Variants in SDK1 observed in about 807,000 individuals in gnomAD.
SDK1 encodes the protein protein sidekick-1.
A neutral mutation model predicts 245.5 loss-of-function variants in SDK1; 157 were observed. The observed-to-expected ratio is 0.64, with a 90% CI of 0.56 to 0.73. The LOEUF (loss-of-function observed/expected upper bound fraction) is 0.73, where lower values mean the gene tolerates loss of function less well. Ranked by LOEUF, SDK1 falls within the 30% of genes least tolerant of loss-of-function variation. The pLI is 0.00. For synonymous variants in SDK1, 1,647 were observed against 1,278.5 expected (o/e 1.29, Z -6.15); for missense variants, 3,583 against 3,002.3 (o/e 1.19, Z -4.52).
intron 1 of SDK1, among the ~76,000 whole-genome samples, chr7:3,611,443 C>A (rs138272518): frequency 2.6e-5 from 4 of 152,312 alleles, no homozygotes; most frequent in East Asian, 3.9e-4. Context: ...ACAAAAAGGG[C>A]AGCCTGAACT....
intron 17 of SDK1, among the ~76,000 whole-genome samples, chr7:4,034,113 T>C (rs1333422872): frequency 1.3e-5 from 2 of 152,158 alleles, no homozygotes; most frequent in Admixed American, 1.3e-4. Flanking sequence ...GTGCCTACGA[T>C]GCAAGCCTGA....
In SDK1 at chr7:4,011,550, C is replaced by T. The variant is rs548529468; in HGVS notation, c.2279+437C>T. On this transcript the variant is annotated intron_variant, in intron 15 of 44. Coordinates refer to ENST00000404826, the MANE Select transcript of SDK1 (RefSeq NM_152744.4). ...GCGTCGCATTCCTGAGCGGTCTTCA[C>T]GCTCTCCCATCCCTGCGAGGGCCAC... Among the ~76,000 whole-genome samples, 6 of 152,332 alleles carry T rather than the reference C, an allele frequency of 3.9e-5. No individual in the cohort carries two copies. In the South Asian group the frequency reaches 8.3e-4, roughly 21 times the overall value.
intron 5 of SDK1, among the ~76,000 whole-genome samples, chr7:3,839,670 A>G (rs1780109869): frequency 6.6e-6 from 1 of 152,252 alleles, no homozygotes; most frequent in African/African-American, 2.4e-5. Flanking sequence ...AATTAAAAAA[A>G]GAACATTCCC....
In SDK1 at chr7:4,032,348, G is replaced by A. The variant is rs115679935; in HGVS notation, c.2602+14996G>A. On this transcript the variant is annotated intron_variant, in intron 17 of 44. Coordinates refer to ENST00000404826, the MANE Select transcript of SDK1 (RefSeq NM_152744.4). Reference sequence around the variant, plus strand: ...AAATGTATTGACATTTATTTGATACGGTAAACTGTGCATGTACCTCAAGCT... The same window carrying A: ...AAATGTATTGACATTTATTTGATACAGTAAACTGTGCATGTACCTCAAGCT... Among the ~76,000 whole-genome samples the A allele has an allele frequency of 6.9e-3, 1,051 of 152,190 alleles. 10 individuals carry two copies. Among genetic ancestry groups the A allele is most frequent in the African/African-American group, 0.025 (1,022 of 41,530 alleles).
At chr7:3,988,118 T>C in intron 14 of SDK1, among the ~76,000 whole-genome samples, 1 of 146,400 alleles carries the variant, frequency 6.8e-6, no homozygotes, top group African/African-American at 2.5e-5. Flanking sequence ...TCCCACTGCA[T>C]CCATCTTTTT....
intron 2 of SDK1, among the ~76,000 whole-genome samples, chr7:3,625,906 T>TAGAGCCAG (rs1440217673): frequency 6.6e-6 from 1 of 151,318 alleles, no homozygotes; most frequent in Non-Finnish European, 1.5e-5. Flanking sequence ...AAGTAAAAGG[T>TAGAGCCAG]AGAGCCAGAA....
chr7:3,466,245 T>C (rs1027192705), intron 1 of SDK1, among the ~76,000 whole-genome samples: 4 of 151,794 alleles, frequency 2.6e-5, no homozygotes, highest in Non-Finnish European at 5.9e-5. Context: ...TTCAGCTTTA[T>C]ATGCTAGTTC....
At chr7:4,204,639 T>C (rs893081822) in intron 35 of SDK1, among the ~76,000 whole-genome samples, 36 of 151,994 alleles carry the variant, frequency 2.4e-4, no homozygotes, top group African/African-American at 8.2e-4. Flanking sequence ...TGTTTTATCG[T>C]CTCCATCGAT....
chr7:3,413,341 C>T (rs1029613655), intron 1 of SDK1, among the ~76,000 whole-genome samples: 3 of 152,158 alleles, frequency 2.0e-5, no homozygotes, highest in Non-Finnish European at 4.4e-5. Context: ...TAGATCCTCA[C>T]TGTGGTAAGG....
rs550809518 is a variant in SDK1 at position 4,029,663 on chromosome 7, G to C, written c.2602+12311G>C. 2.0e-4 allele frequency among the ~76,000 whole-genome samples: 31 copies of C among 152,266 alleles called. No homozygotes were observed. The South Asian group carries it at 6.2e-3, about 31-fold the overall frequency. ...GTGGGGATTGAGCTATGCCCAAAGA[G>C]TGTGATTTACTTGATCAGCCACCAC... is the stretch of plus-strand genomic sequence containing the variant. On this transcript the variant is annotated intron_variant, in intron 17 of 44. Transcript: ENST00000404826.
intron 1 of SDK1, among the ~76,000 whole-genome samples, chr7:3,616,260 A>C (rs754183565): frequency 2.6e-5 from 4 of 152,166 alleles, no homozygotes; most frequent in Non-Finnish European, 4.4e-5. Context: ...CAAGGTTATA[A>C]ATAGGGTGAT....
chr7:3,770,375 C>T (rs960649731), intron 4 of SDK1, among the ~76,000 whole-genome samples: 2 of 152,060 alleles, frequency 1.3e-5, no homozygotes, highest in Admixed American at 6.5e-5. Context: ...TTGAAGGACA[C>T]CTGGGATATT....
intron 17 of SDK1, among the ~76,000 whole-genome samples, chr7:4,033,493 T>C (rs1464779542): frequency 1.3e-5 from 2 of 152,122 alleles, no homozygotes; most frequent in African/African-American, 4.8e-5. Context: ...AGCTAAAATA[T>C]TCCATATGCA....
chr7:3,916,788 A>C (rs933786844), intron 5 of SDK1, among the ~76,000 whole-genome samples: 5 of 152,194 alleles, frequency 3.3e-5, no homozygotes, highest in Non-Finnish European at 7.3e-5. Context: ...TTTACCTTCC[A>C]GCTGATAGAA....
In SDK1 at chr7:4,205,973, T is replaced by A; in HGVS notation, c.5193T>A (p.Asn1731Lys). Residue 1731 changes from asparagine to lysine, a missense_variant, in exon 36 of 45, where the codon AAT (asparagine) becomes AAA (lysine). By Grantham distance (94) the Asn-to-Lys change is moderately conservative (BLOSUM62 0). Coordinates refer to ENST00000404826, the MANE Select transcript of SDK1 (RefSeq NM_152744.4). ...TWDPPPPESQ[N>K]GNIQGYKIYY... ...ACCCACCACCCCCGGAGAGCCAGAA[T>A]GGGAACATCCAAGGCTACAAGGCAA... 6.4e-7 allele frequency: 1 copy of A among 1,555,792 alleles called. No homozygotes were observed. The highest frequency in any genetic ancestry group is 1.2e-5 in the South Asian group (1 of 83,892).
intron 5 of SDK1, among the ~76,000 whole-genome samples, chr7:3,902,032 C>T (rs148878028): frequency 1.2e-4 from 18 of 152,274 alleles, no homozygotes; most frequent in Non-Finnish European, 2.1e-4. Flanking sequence ...CCAGGCTCAC[C>T]TGTATTTTTC....
intron 1 of SDK1, among the ~76,000 whole-genome samples, chr7:3,372,562 G>A (rs76390065): frequency 0.02 from 2,989 of 152,250 alleles, 95 homozygotes; most frequent in African/African-American, 0.061. Context: ...AGGGCAGAGC[G>A]GAAGAGGGCA....
chr7:4,127,465 A>G lies in SDK1; in HGVS notation c.3908A>G (p.Gln1303Arg). ...ILLTWTSVPE[Q>R]DQNGLILGYK... ...CTGACATGGACATCCGTGCCGGAAC[A>G]GGACCAGAATGGGCTCATACTGGGC... The change falls in exon 26 of 45, where the codon CAG becomes CGG. Residue 1303 changes from glutamine (Q) to arginine (R), a missense_variant. Gln to Arg is a conservative substitution (Grantham distance 43). Transcript: ENST00000404826. 6.2e-7 allele frequency: 1 copy of G among 1,614,182 alleles called. No individual in the cohort carries two copies. The highest frequency in any genetic ancestry group is 8.5e-7 in the Non-Finnish European group (1 of 1,179,990).
intron 1 of SDK1, among the ~76,000 whole-genome samples, chr7:3,389,142 T>C (rs1455613962): frequency 6.6e-6 from 1 of 152,070 alleles, no homozygotes; most frequent in African/African-American, 2.4e-5. Flanking sequence ...GGGGGGAGAA[T>C]AGCATTCTAG....
Sources: gnomAD v4.1 joint callset for allele counts (sites outside exome capture counted in the v4.1 genomes callset) on GRCh38, gnomAD v4.1.1 for gene constraint, MANE v1.5 for transcripts, NCBI Gene and HGNC (gene_info 2026-07-23, HGNC 2026-07-21) for gene names.